Variants in PHACTR1 observed in about 807,000 individuals in gnomAD.
PHACTR1 encodes the protein RPEL repeat containing 1.
A neutral mutation model predicts 69.2 loss-of-function variants in PHACTR1; 16 were observed. The ratio of observed to expected loss-of-function variants is 0.23; its 90% CI spans 0.16 to 0.35. The LOEUF (loss-of-function observed/expected upper bound fraction) is 0.35, where lower values mean the gene tolerates loss of function less well. Among genes scored for constraint, PHACTR1 ranks in the 10% least tolerant of loss-of-function variants. The probability of loss-of-function intolerance (pLI) is 1.00; values close to 1 mark genes in which losing one functional copy is unlikely to be tolerated. For synonymous variants in PHACTR1, 312 were observed against 284.5 expected (o/e 1.10, Z -0.97); for missense variants, 510 against 734.7 (o/e 0.69, Z 3.54).
At chr6:12,775,035 G>A (rs1769877275) in intron 4 of PHACTR1, among the ~76,000 whole-genome samples, 1 of 152,166 alleles carries the variant, frequency 6.6e-6, no homozygotes, top group Admixed American at 6.5e-5. Context: ...GTGTCGGGCA[G>A]GAGCCTCTCA....
At chr6:12,946,041 A>G (rs1052773747) in intron 4 of PHACTR1, among the ~76,000 whole-genome samples, 1 of 151,350 alleles carries the variant, frequency 6.6e-6, no homozygotes, top group African/African-American at 2.4e-5. Context: ...GTGGAAGTGG[A>G]TCTAGTATAC....
intron 4 of PHACTR1, among the ~76,000 whole-genome samples, chr6:12,871,568 C>A (rs910025326): frequency 4.6e-5 from 7 of 152,066 alleles, no homozygotes; most frequent in Non-Finnish European, 7.4e-5. Flanking sequence ...CCATGCTTCT[C>A]TATACCTGAT....
At chr6:12,767,671 G>A (rs1768807940) in intron 4 of PHACTR1, among the ~76,000 whole-genome samples, 1 of 152,154 alleles carries the variant, frequency 6.6e-6, no homozygotes, top group African/African-American at 2.4e-5. Flanking sequence ...CACAAAGATG[G>A]TGTAGGGTAA....
intron 10 of PHACTR1, among the ~76,000 whole-genome samples, chr6:13,248,862 A>C (rs146766511): frequency 6.6e-6 from 1 of 152,214 alleles, no homozygotes; most frequent in Admixed American, 6.5e-5. Flanking sequence ...AGCGGAGAGA[A>C]AGTTGGCATA....
At chr6:13,165,402 C>G (rs1427971947) in intron 6 of PHACTR1, among the ~76,000 whole-genome samples, 1 of 152,162 alleles carries the variant, frequency 6.6e-6, no homozygotes, top group Non-Finnish European at 1.5e-5. Context: ...CTCCTTGGCT[C>G]CCGGGCTATG....
chr6:12,970,540 CAGA>C (rs1244182521), intron 4 of PHACTR1, among the ~76,000 whole-genome samples: 5 of 152,222 alleles, frequency 3.3e-5, no homozygotes, highest in South Asian at 2.1e-4. Context: ...GAGGCCGAGG[CAGA>C]AGGTCAGGAG....
chr6:12,921,677 A>AG, intron 4 of PHACTR1, among the ~76,000 whole-genome samples: 3 of 112,488 alleles, frequency 2.7e-5, no homozygotes, highest in Non-Finnish European at 5.6e-5. Context: ...AGGGAAAGGA[A>AG]GAAGGAGGAA....
chr6:12,995,690 A>C (rs1797345589), intron 4 of PHACTR1, among the ~76,000 whole-genome samples: 2 of 152,034 alleles, frequency 1.3e-5, no homozygotes, highest in Non-Finnish European at 2.9e-5. Flanking sequence ...TGATAAAGGG[A>C]ATATTTCATA....
intron 4 of PHACTR1, among the ~76,000 whole-genome samples, chr6:12,953,152 G>A (rs36049381): frequency 0.16 from 24,437 of 151,814 alleles, 2,235 homozygotes; most frequent in Middle Eastern, 0.24. Flanking sequence ...GTGAAACCCC[G>A]TCTCTACAAA....
chr6:12,798,566 T>C (rs1269906328), intron 4 of PHACTR1, among the ~76,000 whole-genome samples: 1 of 152,186 alleles, frequency 6.6e-6, no homozygotes, highest in Non-Finnish European at 1.5e-5. Context: ...AAATGACCAA[T>C]TTAAAGTCAG....
At chr6:12,886,411 T>C (rs1783649560) in intron 4 of PHACTR1, among the ~76,000 whole-genome samples, 1 of 152,240 alleles carries the variant, frequency 6.6e-6, no homozygotes, top group Non-Finnish European at 1.5e-5. Context: ...CTTTTTATTA[T>C]TATACACATT....
chr6:13,260,025 C>T (rs1775696984), intron 10 of PHACTR1, among the ~76,000 whole-genome samples: 1 of 152,196 alleles, frequency 6.6e-6, no homozygotes, highest in South Asian at 2.1e-4. Context: ...ATACGCCCAG[C>T]ATTCTCATTC....
chr6:13,247,388 C>T (rs530907562), intron 10 of PHACTR1, among the ~76,000 whole-genome samples: 1 of 148,852 alleles, frequency 6.7e-6, no homozygotes, highest in South Asian at 2.1e-4. Flanking sequence ...TTTTGTCCCC[C>T]AGGCTGGAGT....
intron 4 of PHACTR1, among the ~76,000 whole-genome samples, chr6:12,807,917 T>C (rs1774543692): frequency 6.6e-6 from 1 of 152,198 alleles, no homozygotes; most frequent in Admixed American, 6.5e-5. Flanking sequence ...ATAAAGTGTT[T>C]TGAATTTGCT....
At chr6:13,141,789 A>G (rs1395551370) in intron 5 of PHACTR1, among the ~76,000 whole-genome samples, 3 of 143,336 alleles carry the variant, frequency 2.1e-5, no homozygotes, top group South Asian at 2.2e-4. Context: ...TAGGGTAAAC[A>G]TTTGATTCTC....
chr6:12,756,684 C>G (rs1309255653), intron 4 of PHACTR1, among the ~76,000 whole-genome samples: 1 of 152,220 alleles, frequency 6.6e-6, no homozygotes, highest in African/African-American at 2.4e-5. Context: ...GCAGCAGAAT[C>G]TTTGATAGCA....
chr6:12,767,173 A>G (rs924106213), intron 4 of PHACTR1, among the ~76,000 whole-genome samples: 1 of 152,218 alleles, frequency 6.6e-6, no homozygotes, highest in African/African-American at 2.4e-5. Flanking sequence ...CCACTGTAAT[A>G]CATTAACTCT....
intron 4 of PHACTR1, among the ~76,000 whole-genome samples, chr6:12,930,466 T>C (rs1788746180): frequency 6.6e-6 from 1 of 152,200 alleles, no homozygotes. Flanking sequence ...TCATTGTCTT[T>C]GTGCTGTTAT....
Position 13,239,919 on chromosome 6 carries a change from C to T in PHACTR1, c.1391+9726C>T, listed in dbSNP as rs541348283. 4.6e-5 allele frequency among the ~76,000 whole-genome samples: 7 copies of T among 152,302 alleles called. No individual in the cohort carries two copies. In the South Asian group the frequency reaches 1.5e-3, roughly 32 times the overall value. ...CTTGGAGAGCACCGTTAGTTCTCTG[C>T]ATCTGTGACTTGCGGCTGCCCCGGC... On this transcript the variant is annotated intron_variant, in intron 10 of 14. Transcript: ENST00000332995.
Sources: allele counts gnomAD v4.1 joint callset (sites outside exome capture counted in the v4.1 genomes callset), GRCh38; gene constraint gnomAD v4.1.1; transcripts MANE v1.5; gene names NCBI Gene and HGNC (gene_info 2026-07-23, HGNC 2026-07-21).